The following NBEA variants were observed in gnomAD, a reference collection of about 807,000 sequenced individuals.
The protein encoded by NBEA is neurobeachin.
NBEA carries 44 observed loss-of-function variants against 343.4 expected under a neutral mutation model. The ratio of observed to expected loss-of-function variants is 0.13; its 90% CI spans 0.10 to 0.16. The LOEUF is 0.16. Ranked by LOEUF, NBEA falls within the 10% of genes least tolerant of loss-of-function variation. The probability of loss-of-function intolerance (pLI) is 1.00; values close to 1 mark genes in which losing one functional copy is unlikely to be tolerated. For missense variants in NBEA, 2,555 were observed against 3,631.3 expected (o/e 0.70, Z 7.62); for synonymous variants, 1,175 against 1,238.7 (o/e 0.95, Z 1.08).
At chr13:35,337,750 A>G (rs1205318861) in intron 36 of NBEA, among the ~76,000 whole-genome samples, 1 of 152,108 alleles carries the variant, frequency 6.6e-6, no homozygotes, top group Non-Finnish European at 1.5e-5. Flanking sequence ...GTAAGTTTAA[A>G]AAGGTTGAAA....
intron 36 of NBEA, among the ~76,000 whole-genome samples, chr13:35,326,712 T>A (rs1220489773): frequency 6.6e-6 from 1 of 151,934 alleles, no homozygotes; most frequent in Non-Finnish European, 1.5e-5. Context: ...CATGTCCCGT[T>A]CCAGTTCTCA....
At chr13:34,975,517 G>GC (rs1169599016) in intron 1 of NBEA, among the ~76,000 whole-genome samples, 2 of 152,098 alleles carry the variant, frequency 1.3e-5, no homozygotes, top group Non-Finnish European at 1.5e-5. Context: ...CTAGACATTG[G>GC]CTTAGGCAAA....
chr13:35,342,320 G>A (rs1215229581), intron 36 of NBEA, among the ~76,000 whole-genome samples: 7 of 152,036 alleles, frequency 4.6e-5, no homozygotes, highest in Admixed American at 6.6e-5. Context: ...CCACTACAGT[G>A]TACATTTTTA....
chr13:35,255,864 G>A lies in NBEA; in HGVS notation c.5776+23245G>A, dbSNP rs528456687. Among the ~76,000 whole-genome samples, 4 of 152,358 alleles carry A rather than the reference G, an allele frequency of 2.6e-5. No individual in the cohort carries two copies. In the East Asian group the frequency reaches 5.8e-4, roughly 22 times the overall value. On this transcript the variant is annotated intron_variant, in intron 34 of 58. Transcript: ENST00000379939. The stretch of plus-strand genomic sequence containing the variant: ...TCCCAAGTTCTTGACCCATGTTCAG[G>A]AAGAATGAGATATGTGGACAACTAG...
At chr13:35,300,612 A>G (rs2036476380) in intron 35 of NBEA, among the ~76,000 whole-genome samples, 1 of 152,134 alleles carries the variant, frequency 6.6e-6, no homozygotes, top group South Asian at 2.1e-4. Flanking sequence ...ATGCTTTAAG[A>G]TTTGTTTCAT....
chr13:35,447,847 T>G (rs1394522606), intron 39 of NBEA, among the ~76,000 whole-genome samples: 1 of 152,146 alleles, frequency 6.6e-6, no homozygotes, highest in African/African-American at 2.4e-5. Flanking sequence ...TAAATTCTCT[T>G]CCCAATCAGA....
Position 34,992,260 on chromosome 13 carries a change from ATATT to A in NBEA, c.295-48671_295-48668del, listed in dbSNP as rs1237284713. On this transcript the variant is annotated intron_variant, in intron 1 of 58. Coordinates refer to ENST00000379939, the MANE Select transcript of NBEA (RefSeq NM_001385012.1). The stretch of plus-strand genomic sequence containing the variant: ...TGTGTATATATATATATATATATAT[ATATT>A]TTTTTTTTTAGACAGAGTCTAGCTC... Among the ~76,000 whole-genome samples the A allele has an allele frequency of 5.3e-3, 698 of 132,370 alleles. 8 individuals are homozygous for A. Among genetic ancestry groups the A allele is most frequent in the African/African-American group, 0.02 (653 of 33,068 alleles). 86.8% of individuals were successfully genotyped at this position (132,370 alleles called of 152,430 possible). A position where few individuals can be genotyped will look rare whatever the true frequency, so the allele number is the denominator to read the frequency against.
chr13:35,523,673 G>A (rs1004750910), intron 41 of NBEA, among the ~76,000 whole-genome samples: 1 of 152,104 alleles, frequency 6.6e-6, no homozygotes, highest in Non-Finnish European at 1.5e-5. Context: ...AATTTTTCAA[G>A]GCATTCACTT....
chr13:35,366,144 C>T (rs553298024), intron 38 of NBEA, among the ~76,000 whole-genome samples: 2 of 151,706 alleles, frequency 1.3e-5, no homozygotes, highest in South Asian at 4.1e-4. Flanking sequence ...TCACTGTTCA[C>T]TTAATCCTAC....
chr13:35,662,708 G>A (rs2085157704), intron 55 of NBEA, among the ~76,000 whole-genome samples: 4 of 152,110 alleles, frequency 2.6e-5, no homozygotes, highest in African/African-American at 9.7e-5. Context: ...TCAGACATGA[G>A]CCTTTGAAAA....
In NBEA at chr13:35,048,559, G is replaced by A. The variant is rs765116811; in HGVS notation, c.724-4G>A. 1.2e-6 allele frequency: 2 copies of A among 1,604,888 alleles called. No homozygotes were observed. Among genetic ancestry groups the A allele is most frequent in the East Asian group, 2.2e-5 (1 of 44,602 alleles). On this transcript the variant is annotated splice_region_variant and splice_polypyrimidine_tract_variant and intron_variant, in intron 4 of 58. Coordinates refer to ENST00000379939, the MANE Select transcript of NBEA (RefSeq NM_001385012.1). ...CTTTCGTACCTTTTCTCATTGCCTT[G>A]TAGGCAATTGCCTTGCCTCCTATTG...
At chr13:34,988,872 A>T (rs1593378684) in intron 1 of NBEA, among the ~76,000 whole-genome samples, 1 of 150,800 alleles carries the variant, frequency 6.6e-6, no homozygotes, top group Non-Finnish European at 1.5e-5. Flanking sequence ...CTGAGTCTTT[A>T]TAAAAATTAA....
chr13:35,469,099 C>CAAAAAAAA (rs34222156), intron 40 of NBEA, among the ~76,000 whole-genome samples: 4 of 85,010 alleles, frequency 4.7e-5, no homozygotes, highest in South Asian at 5.3e-4. Flanking sequence ...GACTCTATCT[C>CAAAAAAAA]AAAAAAAAAA....
At chr13:35,321,826 C>T (rs1447164890) in intron 36 of NBEA, among the ~76,000 whole-genome samples, 2 of 152,222 alleles carry the variant, frequency 1.3e-5, no homozygotes, top group African/African-American at 4.8e-5. Context: ...GGCAGTCTGG[C>T]TACAGTGGCT....
Position 35,196,279 on chromosome 13 carries a change from T to C in NBEA, c.5343T>C (p.Pro1781=), listed in dbSNP as rs558632472. 1 of 1,612,996 alleles carries C rather than the reference T, an allele frequency of 6.2e-7. No homozygotes were observed. Among genetic ancestry groups the C allele is most frequent in the South Asian group, 1.1e-5 (1 of 91,002 alleles). The change falls in exon 31 of 59, where the codon CCT becomes CCC. Residue 1781 remains proline, a synonymous_variant. Transcript: ENST00000379939. ...ALKRETQAIL[P]MQFHSFDRSV... ...AGAGAGAAACACAAGCTATTCTTCC[T>C]ATGCAGTTTCATTCCTTTGACAGGT...
chr13:35,473,393 G>C (rs892831664), intron 41 of NBEA, among the ~76,000 whole-genome samples: 2 of 152,108 alleles, frequency 1.3e-5, no homozygotes, highest in Non-Finnish European at 2.9e-5. Context: ...AATAGTCAAA[G>C]ACAAATGCTC....
At chr13:35,653,731 A>G (rs2084673381) in intron 53 of NBEA, among the ~76,000 whole-genome samples, 1 of 152,192 alleles carries the variant, frequency 6.6e-6, no homozygotes, top group Non-Finnish European at 1.5e-5. Flanking sequence ...ACAAAATACC[A>G]TTTACATGTC....
At chr13:35,530,802 G>T (rs572767071) in intron 41 of NBEA, among the ~76,000 whole-genome samples, 1 of 152,300 alleles carries the variant, frequency 6.6e-6, no homozygotes, top group Non-Finnish European at 1.5e-5. Flanking sequence ...GAAAGGTTAA[G>T]AGTTTTTTTA....
chr13:35,192,846 T>C (rs1451360543), intron 30 of NBEA, among the ~76,000 whole-genome samples: 1 of 151,950 alleles, frequency 6.6e-6, no homozygotes, highest in East Asian at 1.9e-4. Flanking sequence ...TATATTCCAG[T>C]CTAATATAGC....
Sources: allele counts gnomAD v4.1 joint callset (sites outside exome capture counted in the v4.1 genomes callset), GRCh38; gene constraint gnomAD v4.1.1; transcripts MANE v1.5; gene names NCBI Gene and HGNC (gene_info 2026-07-23, HGNC 2026-07-21).